PUDP: variants seen among roughly 807,000 people sequenced by gnomAD.
PUDP encodes pseudouridine 5'-phosphatase.
Under a neutral mutation model 9.4 loss-of-function variants are expected in PUDP, and 8 were observed. That is an observed-to-expected ratio of 0.85 (90% CI 0.50 to 1.53). The LOEUF is 1.53. Ranked by LOEUF, PUDP falls within the 40% of genes most tolerant of loss-of-function variation. PUDP has a pLI of 0.00. For synonymous variants in PUDP, 99 were observed against 80.7 expected (o/e 1.23, Z -1.22); for missense variants, 188 against 189.7 (o/e 0.99, Z 0.05).
At chrX:6,719,232 C>A (rs1310161849) in intron 1 of PUDP, among the ~76,000 whole-genome samples, 1 of 111,815 alleles carries the variant, frequency 8.9e-6, no homozygotes, top group Non-Finnish European at 1.9e-5. Flanking sequence ...CTTGTAGACG[C>A]TGTCTTCTCC....
chrX:7,039,143 C>A (rs1929889785), intron 1 of PUDP, among the ~76,000 whole-genome samples: 1 of 110,331 alleles, frequency 9.1e-6, no homozygotes, highest in African/African-American at 3.3e-5. Context: ...GTTGCCCAGG[C>A]TGACCTTAAA....
chrX:7,062,174 T>C (rs913039251), intron 3 of PUDP, among the ~76,000 whole-genome samples: 8 of 111,966 alleles, frequency 7.1e-5, no homozygotes, highest in African/African-American at 2.6e-4. Context: ...TAAAGTACTG[T>C]CTTGGGCAGG....
intron 3 of PUDP, among the ~76,000 whole-genome samples, chrX:6,786,023 TAAGGTCTCCACC>T (rs1333047965): frequency 1.8e-5 from 2 of 111,532 alleles, no homozygotes; most frequent in Admixed American, 1.9e-4. Flanking sequence ...AACTATTATG[TAAGGTCTCCACC>T]AAGCCCAACC....
chrX:6,823,780 G>A (rs1926381697), intron 3 of PUDP, among the ~76,000 whole-genome samples: 1 of 112,953 alleles, frequency 8.9e-6, no homozygotes. Flanking sequence ...TCCAGGAAAG[G>A]GGTGGGCAAT....
At chrX:6,720,121 C>CATAT (rs752455856) in intron 1 of PUDP, among the ~76,000 whole-genome samples, 1 of 98,888 alleles carries the variant, frequency 1.0e-5, no homozygotes, top group South Asian at 4.6e-4. Context: ...TACATTTATT[C>CATAT]ATATATATAT....
chrX:7,109,403 C>G lies in PUDP; in HGVS notation c.62-3565G>C, dbSNP rs1362237825. Among the ~76,000 whole-genome samples, 6 of 112,184 alleles carry G rather than the reference C, an allele frequency of 5.3e-5. No individual in the cohort carries two copies. The Admixed American group carries it at 5.7e-4, about 11-fold the overall frequency. On this transcript the variant is annotated intron_variant, in intron 1 of 3. Coordinates refer to ENST00000381077, the MANE Select transcript of PUDP (RefSeq NM_012080.5). ...TGAAAAGCCGAGTGAAGGAACAGAA[C>G]AGAGGGCAGGCAGGACGATGGAGGT...
chrX:6,856,184 G>A (rs764675745), intron 3 of PUDP, among the ~76,000 whole-genome samples: 2 of 111,523 alleles, frequency 1.8e-5, no homozygotes, highest in Admixed American at 9.5e-5. Flanking sequence ...AAGCTGCTCT[G>A]TTCAAAGAAG....
chrX:6,732,934 G>A (rs902193815), intron 3 of PUDP, among the ~76,000 whole-genome samples: 6 of 111,637 alleles, frequency 5.4e-5, no homozygotes, highest in African/African-American at 9.8e-5. Context: ...TCAGCGGCCC[G>A]CACGGACCAT....
rs748543515 is a variant in PUDP at position 6,914,632 on chromosome X, T to C, written c.*247+62501A>G. On this transcript the variant is annotated intron_variant and NMD_transcript_variant, in intron 3 of 3. Transcript: ENST00000655425. ...CGTCTAGAAATAGGCACGCTGGACC[T>C]GGAGCACCGCTCAGAAAAGCTTCTA... 4.5e-4 allele frequency among the ~76,000 whole-genome samples: 50 copies of C among 112,314 alleles called. 1 individual carries two copies. The highest frequency in any genetic ancestry group is 1.6e-3 in the African/African-American group (48 of 30,925).
At chrX:7,137,664 C>T (rs370282817) in intron 1 of PUDP, among the ~76,000 whole-genome samples, 11 of 112,588 alleles carry the variant, frequency 9.8e-5, no homozygotes, top group African/African-American at 3.2e-4. Flanking sequence ...GTGTGTGCTC[C>T]GACACAGTGA....
chrX:6,874,229 G>T (rs1330731298), intron 3 of PUDP, among the ~76,000 whole-genome samples: 1 of 110,924 alleles, frequency 9.0e-6, no homozygotes, highest in Admixed American at 9.6e-5. Context: ...TTTTAGGGGG[G>T]GTCTCATTCT....
At chrX:6,945,445 T>C (rs1928451049) in intron 3 of PUDP, among the ~76,000 whole-genome samples, 2 of 112,096 alleles carry the variant, frequency 1.8e-5, no homozygotes, top group African/African-American at 6.5e-5. Flanking sequence ...TAAAATCTAA[T>C]ATGTTTGTAT....
intron 1 of PUDP, among the ~76,000 whole-genome samples, chrX:6,982,104 TACACACACAC>T (rs932504062): frequency 3.6e-4 from 32 of 88,782 alleles, no homozygotes; most frequent in African/African-American, 1.4e-3. Flanking sequence ...GACACACACA[TACACACACAC>T]ACACAAATAC....
intron 3 of PUDP, among the ~76,000 whole-genome samples, chrX:6,889,540 G>T (rs1236116042): frequency 9.0e-6 from 1 of 111,648 alleles, no homozygotes; most frequent in African/African-American, 3.3e-5. Context: ...CTTCTGGCTT[G>T]TCATGCGACA....
intron 2 of PUDP, among the ~76,000 whole-genome samples, chrX:7,087,547 C>T (rs1213639343): frequency 8.9e-6 from 1 of 112,087 alleles, no homozygotes; most frequent in East Asian, 2.8e-4. Flanking sequence ...CTTGGATAGA[C>T]TGAGGTTCTA....
intron 3 of PUDP, among the ~76,000 whole-genome samples, chrX:6,861,607 C>T (rs926226447): frequency 8.9e-6 from 1 of 111,737 alleles, no homozygotes; most frequent in South Asian, 3.8e-4. Context: ...AAAATCTTGA[C>T]GTAGATTGTT....
At chrX:6,917,372 T>TAA (rs11377739) in intron 3 of PUDP, among the ~76,000 whole-genome samples, 94 of 98,102 alleles carry the variant, frequency 9.6e-4, no homozygotes, top group Middle Eastern at 5.1e-3. Context: ...AACTCAAAAT[T>TAA]AAAAAAAAAA....
chrX:6,947,505 G>A (rs58265512), intron 3 of PUDP, among the ~76,000 whole-genome samples: 3,571 of 112,327 alleles, frequency 0.032, 137 homozygotes, highest in African/African-American at 0.11. Context: ...ATATTAAGCT[G>A]TATGAGGCTG....
chrX:7,098,338 C>T (rs1931632650), intron 2 of PUDP, among the ~76,000 whole-genome samples: 1 of 111,906 alleles, frequency 8.9e-6, no homozygotes, highest in South Asian at 3.8e-4. Context: ...TACCTTGTTG[C>T]TGTACCCTCC....
Sources: gnomAD v4.1 joint callset for allele counts (sites outside exome capture counted in the v4.1 genomes callset) on GRCh38, gnomAD v4.1.1 for gene constraint, MANE v1.5 for transcripts, NCBI Gene and HGNC (gene_info 2026-07-23, HGNC 2026-07-21) for gene names.